UBE2Q2: variants seen among roughly 807,000 people sequenced by gnomAD.
The protein encoded by UBE2Q2 is ubiquitin-conjugating enzyme E2 Q2.
A neutral mutation model predicts 59.9 loss-of-function variants in UBE2Q2; 54 were observed. That is an observed-to-expected ratio of 0.90 (90% CI 0.72 to 1.13). The LOEUF (loss-of-function observed/expected upper bound fraction) is 1.13, where lower values mean the gene tolerates loss of function less well. UBE2Q2 is among the 50% of genes most tolerant of loss of function. The probability of loss-of-function intolerance (pLI) is 0.00; values close to 1 mark genes in which losing one functional copy is unlikely to be tolerated. For missense variants in UBE2Q2, 433 were observed against 441.9 expected (o/e 0.98, Z 0.18); for synonymous variants, 165 against 155.2 (o/e 1.06, Z -0.47).
chr15:75,898,526 C>A (rs1899563859), intron 12 of UBE2Q2, among the ~76,000 whole-genome samples: 1 of 152,180 alleles, frequency 6.6e-6, no homozygotes. Flanking sequence ...TTTACATCCA[C>A]TCTTAACATT....
chr15:75,852,606 T>A (rs1381948418), intron 1 of UBE2Q2, among the ~76,000 whole-genome samples: 2 of 152,152 alleles, frequency 1.3e-5, no homozygotes, highest in African/African-American at 4.8e-5. Flanking sequence ...AATAATGAGA[T>A]CCTAAGTGTA....
chr15:75,843,531 G>C lies in UBE2Q2; in HGVS notation c.-136G>C. ...CCCTCGCCATTTTCCAGCAGCGCTC[G>C]ACGAGGCGGAGCCGCGAGAGCGCGG... On this transcript the variant is annotated 5_prime_UTR_variant, in exon 1 of 13. Coordinates refer to ENST00000267938, the MANE Select transcript of UBE2Q2 (RefSeq NM_173469.4). 1 of 487,096 alleles carries C rather than the reference G, an allele frequency of 2.1e-6. No homozygotes were observed. The highest frequency in any genetic ancestry group is 3.0e-6 in the Non-Finnish European group (1 of 329,274). The allele number at this position is 487,096 out of a possible 1,614,324, so 30.2% of individuals were successfully genotyped here. A position where few individuals can be genotyped will look rare whatever the true frequency, so the allele number is the denominator to read the frequency against.
intron 11 of UBE2Q2, among the ~76,000 whole-genome samples, chr15:75,891,941 T>C (rs1442879964): frequency 6.6e-6 from 1 of 152,208 alleles, no homozygotes; most frequent in African/African-American, 2.4e-5. Context: ...GGGCAGCTTC[T>C]GACCTATTTC....
intron 2 of UBE2Q2, among the ~76,000 whole-genome samples, chr15:75,857,688 C>G (rs1013916840): frequency 2.2e-4 from 33 of 151,474 alleles, no homozygotes; most frequent in African/African-American, 7.0e-4. Flanking sequence ...TTCTTAATGT[C>G]CACCAATAAA....
chr15:75,843,976 C>A, intron 1 of UBE2Q2, 130 bp downstream of exon 1: 1 of 1,403,962 alleles, frequency 7.1e-7, no homozygotes, highest in Non-Finnish European at 9.2e-7. Flanking sequence ...CGCCCCTTTC[C>A]CCCGCGACTT....
chr15:75,874,748 G>GTA (rs1595881959), intron 5 of UBE2Q2, among the ~76,000 whole-genome samples: 2 of 152,152 alleles, frequency 1.3e-5, no homozygotes, highest in South Asian at 2.1e-4. Flanking sequence ...AATGATGTGT[G>GTA]TATATATATA....
intron 8 of UBE2Q2, 43 bp from the exon 9 acceptor site, chr15:75,883,323 G>A (rs1898549160): frequency 1.3e-6 from 2 of 1,516,140 alleles, no homozygotes; most frequent in South Asian, 2.3e-5. Flanking sequence ...ATAACACTAA[G>A]GATGTTCTTT....
Position 75,900,283 on chromosome 15 carries a change from A to C in UBE2Q2, c.*825A>C, listed in dbSNP as rs946627843. On this transcript the variant is annotated 3_prime_UTR_variant, in exon 13 of 13. Coordinates refer to ENST00000267938, the MANE Select transcript of UBE2Q2 (RefSeq NM_173469.4). ...ATCGTTTGTAAACTAATAAACTTAT[A>C]AAGTGATTGGCACAAAGACTCCTTG... The C allele has an allele frequency of 6.6e-6, 1 of 152,338 alleles. No individual in the cohort carries two copies. Among genetic ancestry groups the C allele is most frequent in the East Asian group, 1.9e-4 (1 of 5,200 alleles). The allele number at this position is 152,338 out of a possible 1,614,324, so 9.4% of individuals were successfully genotyped here. A position where few individuals can be genotyped will look rare whatever the true frequency, so the allele number is the denominator to read the frequency against.
intron 4 of UBE2Q2, among the ~76,000 whole-genome samples, chr15:75,870,032 C>T (rs1897701313): frequency 6.6e-6 from 1 of 152,040 alleles, no homozygotes; most frequent in African/African-American, 2.4e-5. Flanking sequence ...CTAAAATGTG[C>T]TTTTAGAATG....
chr15:75,893,957 A>G (rs1163412892), intron 11 of UBE2Q2, among the ~76,000 whole-genome samples: 1 of 152,174 alleles, frequency 6.6e-6, no homozygotes, highest in African/African-American at 2.4e-5. Context: ...AATCTTTTTC[A>G]ATGAACAACA....
At chr15:75,856,963 T>TAAAAAAAAAAAAAAAAAA (rs1472838752) in intron 2 of UBE2Q2, among the ~76,000 whole-genome samples, 1 of 151,794 alleles carries the variant, frequency 6.6e-6, no homozygotes, top group East Asian at 1.9e-4. Context: ...AAAGATATTT[T>TAAAAAAAAAAAAAAAAAA]AAGAGTTAAG....
rs1029742438 is a variant in UBE2Q2, at chr15:75,877,994, T to C, written c.707T>C (p.Leu236Ser). 3.1e-6 allele frequency: 5 copies of C among 1,613,686 alleles called. No homozygotes were observed. The highest frequency in any genetic ancestry group is 4.2e-6 in the Non-Finnish European group (5 of 1,179,884). Reference protein sequence around the residue: ...IYSVELINDSLYDWHVKLQKV... With the variant: ...IYSVELINDSSYDWHVKLQKV... ...TCAGTGGAACTCATAAATGACAGTT[T>C]ATATGACTGGCATGTTAAACTGCAG... Residue 236 changes from leucine to serine, a missense_variant, in exon 7 of 13, where the codon TTA (leucine) becomes TCA (serine). Physicochemically the swap from Leu to Ser is moderately radical, Grantham distance 145. Transcript: ENST00000267938.
At chr15:75,887,990 A>T (rs1312894600) in intron 9 of UBE2Q2, among the ~76,000 whole-genome samples, 1 of 152,208 alleles carries the variant, frequency 6.6e-6, no homozygotes, top group Non-Finnish European at 1.5e-5. Flanking sequence ...TAGATTATTG[A>T]GCAGTTTTGT....
rs374099581 is a variant in UBE2Q2, at chr15:75,872,533, C to CTTT, written c.448-876_448-874dup. On this transcript the variant is annotated intron_variant, in intron 4 of 12. Coordinates refer to ENST00000267938, the MANE Select transcript of UBE2Q2 (RefSeq NM_173469.4). The stretch of plus-strand genomic sequence containing the variant: ...TATTCAAATTCTTTGTTTTCTTTTC[C>CTTT]TTTTTTTTTTTTTTTTTTTTTGAGA... Among the ~76,000 whole-genome samples the CTTT allele has an allele frequency of 2.9e-3, 331 of 114,754 alleles. 2 individuals carry two copies. Among genetic ancestry groups the CTTT allele is most frequent in the African/African-American group, 8.9e-3 (271 of 30,498 alleles). 75.3% of individuals were successfully genotyped at this position (114,754 alleles called of 152,430 possible).
At chr15:75,854,729 A>C (rs1896814899) in intron 2 of UBE2Q2, among the ~76,000 whole-genome samples, 1 of 152,116 alleles carries the variant, frequency 6.6e-6, no homozygotes, top group Non-Finnish European at 1.5e-5. Context: ...CCTGAATTCT[A>C]ACCATTAAGC....
At chr15:75,890,350 A>G (rs1013301348) in intron 9 of UBE2Q2, 85 bp from the exon 10 acceptor site, 14 of 986,630 alleles carry the variant, frequency 1.4e-5, no homozygotes, top group Admixed American at 1.2e-4. Flanking sequence ...ACTTGTGTGC[A>G]TATTTTCTTG....
At chr15:75,856,611 T>G (rs1315780140) in intron 2 of UBE2Q2, among the ~76,000 whole-genome samples, 2 of 151,542 alleles carry the variant, frequency 1.3e-5, no homozygotes, top group East Asian at 1.9e-4. Context: ...TTTGTCAAAA[T>G]AAGTTATAGT....
At chr15:75,877,496 A>C (rs921249101) in intron 6 of UBE2Q2, among the ~76,000 whole-genome samples, 9 of 152,120 alleles carry the variant, frequency 5.9e-5, no homozygotes, top group African/African-American at 1.9e-4. Context: ...AAAAACAGAT[A>C]CTGGGTGGAA....
intron 3 of UBE2Q2, among the ~76,000 whole-genome samples, chr15:75,862,582 T>C (rs28431332): frequency 0.038 from 5,817 of 151,572 alleles, 376 homozygotes; most frequent in African/African-American, 0.13. Flanking sequence ...TTTGGGAGGC[T>C]GAGGTGGGAG....
Sources: allele counts gnomAD v4.1 joint callset (sites outside exome capture counted in the v4.1 genomes callset), GRCh38; gene constraint gnomAD v4.1.1; transcripts MANE v1.5; gene names NCBI Gene and HGNC (gene_info 2026-07-23, HGNC 2026-07-21).